Variants in RMC1 observed in about 807,000 individuals in gnomAD.
RMC1 encodes regulator of MON1-CCZ1 complex.
A neutral mutation model predicts 95.5 loss-of-function variants in RMC1; 44 were observed. The ratio of observed to expected loss-of-function variants is 0.46; its 90% CI spans 0.36 to 0.59. The LOEUF (loss-of-function observed/expected upper bound fraction) is 0.59. Among genes scored for constraint, RMC1 ranks in the 20% least tolerant of loss-of-function variants. RMC1 has a pLI of 0.00. For synonymous variants in RMC1, 320 were observed against 303.6 expected (o/e 1.05, Z -0.56); for missense variants, 705 against 819.6 (o/e 0.86, Z 1.71).
At chr18:23,525,287 A>T (rs2058264981) in intron 12 of RMC1, among the ~76,000 whole-genome samples, 1 of 150,816 alleles carries the variant, frequency 6.6e-6, no homozygotes, top group African/African-American at 2.4e-5. Context: ...TTGCTCCGTC[A>T]CCCAGCCTGG....
chr18:23,512,505 C>T (rs541127989), intron 5 of RMC1, among the ~76,000 whole-genome samples: 1 of 152,238 alleles, frequency 6.6e-6, no homozygotes, highest in African/African-American at 2.4e-5. Context: ...ACTGCAGCCT[C>T]GACCTCCTAG....
chr18:23,521,687 C>G (rs1161015447), intron 10 of RMC1, among the ~76,000 whole-genome samples: 1 of 75,220 alleles, frequency 1.3e-5, no homozygotes, highest in South Asian at 5.1e-4. Flanking sequence ...TCAACACACA[C>G]TCTCTCTCTT....
At chr18:23,507,463 T>A (rs991700127) in intron 3 of RMC1, among the ~76,000 whole-genome samples, 36 of 152,198 alleles carry the variant, frequency 2.4e-4, no homozygotes, top group African/African-American at 8.7e-4. Flanking sequence ...ATGTGAGGTA[T>A]TTTTGGCTAC....
intron 19 of RMC1, 177 bp from the exon 20 acceptor site, chr18:23,531,448 C>G: frequency 7.7e-7 from 1 of 1,302,574 alleles, no homozygotes; most frequent in South Asian, 1.7e-5. Flanking sequence ...AGAATCTCTT[C>G]CATTTAGCTT....
At position 23,518,925 on chromosome 18, in the gene RMC1, A is replaced by C; in HGVS notation, c.689A>C (p.His230Pro). ...CTGTATGTTCTCTTCTTGAGGCATC[A>C]TTCTCGGACCTCCAACAGCACAGGA... ...GQLYVLFLRH[H>P]SRTSNSTGAE... is the part of the protein sequence containing the mutation. The change falls in exon 8 of 20, where the codon CAT becomes CCT. Residue 230 changes from histidine (H) to proline (P), a missense_variant. Transcript: ENST00000269221. 1 of 1,614,180 alleles carries C rather than the reference A, an allele frequency of 6.2e-7. No homozygotes were observed.
At chr18:23,529,334 A>G in intron 15 of RMC1, 36 bp downstream of exon 15, 2 of 1,589,438 alleles carry the variant, frequency 1.3e-6, no homozygotes, top group Non-Finnish European at 1.7e-6. Flanking sequence ...TGGACTGAGA[A>G]TGCTCAAAAC....
Position 23,510,215 on chromosome 18 carries a change from T to C in RMC1, c.408+936T>C, listed in dbSNP as rs571983614. ...GGTGTGCGCCTGTAGTCCCAGCTAC[T>C]TGGGAGGCTGAAGTGGGAGGATTGC... On this transcript the variant is annotated intron_variant, in intron 5 of 19. Coordinates refer to ENST00000269221, the MANE Select transcript of RMC1 (RefSeq NM_013326.5). Among the ~76,000 whole-genome samples the C allele has an allele frequency of 2.4e-3, 358 of 151,616 alleles. 3 individuals are homozygous for C. Among genetic ancestry groups the C allele is most frequent in the African/African-American group, 8.3e-3 (345 of 41,374 alleles).
intron 5 of RMC1, among the ~76,000 whole-genome samples, chr18:23,515,213 C>G (rs918363018): frequency 2.6e-5 from 4 of 152,066 alleles, no homozygotes; most frequent in African/African-American, 9.7e-5. Flanking sequence ...CTCCACATGC[C>G]CAGGCATGTG....
Position 23,524,361 on chromosome 18 carries a change from G to A in RMC1, c.1007-68G>A, listed in dbSNP as rs560591661. 2.6e-6 allele frequency: 4 copies of A among 1,567,204 alleles called. No individual in the cohort carries two copies. The East Asian group carries it at 6.7e-5, about 26-fold the overall frequency. ...CAGTACATGGTGGGCAGGGGCGAGTGCTAGCGGAAACTGGGTTTGCTTTTT... is the reference window on the plus strand; with the variant it reads ...CAGTACATGGTGGGCAGGGGCGAGTACTAGCGGAAACTGGGTTTGCTTTTT... On this transcript the variant is annotated intron_variant, in intron 11 of 19. Transcript: ENST00000269221.
At chr18:23,521,642 G>A (rs2058143041) in intron 10 of RMC1, among the ~76,000 whole-genome samples, 1 of 151,794 alleles carries the variant, frequency 6.6e-6, no homozygotes, top group African/African-American at 2.4e-5. Context: ...CCTTTTTCCA[G>A]TGTAATTGAT....
Position 23,524,502 on chromosome 18 carries a change from TGTC to T in RMC1, c.1060+23_1060+25del, listed in dbSNP as rs766981646. The T allele has an allele frequency of 1.2e-6, 2 of 1,612,922 alleles. No homozygotes were observed. The highest frequency in any genetic ancestry group is 1.1e-5 in the South Asian group (1 of 91,042). ...GCCAAGGTAGGTCAGCGGGGACAGT[TGTC>T]GTGTTACAACATGGTGCTTGTTGAC... On this transcript the variant is annotated intron_variant, in intron 12 of 19. Coordinates refer to ENST00000269221, the MANE Select transcript of RMC1 (RefSeq NM_013326.5).
intron 3 of RMC1, 77 bp from the exon 4 acceptor site, chr18:23,507,908 C>A: frequency 1.5e-6 from 2 of 1,321,746 alleles, no homozygotes; most frequent in Non-Finnish European, 2.1e-6. Flanking sequence ...TTTTTCTTGT[C>A]TTGTAGTATG....
At chr18:23,512,158 C>G (rs1273938243) in intron 5 of RMC1, among the ~76,000 whole-genome samples, 4 of 151,366 alleles carry the variant, frequency 2.6e-5, no homozygotes, top group Non-Finnish European at 5.9e-5. Context: ...GTAGCTGGGT[C>G]TACAGGCGCC....
intron 13 of RMC1, among the ~76,000 whole-genome samples, chr18:23,527,534 C>T (rs2058339422): frequency 6.6e-6 from 1 of 151,330 alleles, no homozygotes; most frequent in African/African-American, 2.4e-5. Flanking sequence ...TCTGCCTCGG[C>T]CTACCCAAAG....
At chr18:23,509,134 A>T in intron 4 of RMC1, 59 bp from the exon 5 acceptor site, 1 of 571,626 alleles carries the variant, frequency 1.7e-6, no homozygotes, top group Non-Finnish European at 2.7e-6. Context: ...AAGCTTTTGA[A>T]GAGAGTTATA....
intron 7 of RMC1, among the ~76,000 whole-genome samples, chr18:23,517,616 C>T (rs960551176): frequency 4.8e-4 from 73 of 152,252 alleles, no homozygotes; most frequent in African/African-American, 1.6e-3. Flanking sequence ...TCTTCTGTGG[C>T]CTAAAACAGT....
chr18:23,531,616 C>CT lies in RMC1; in HGVS notation c.1895-9_1895-8insT, dbSNP rs1310122275. 6.8e-6 allele frequency: 11 copies of CT among 1,609,720 alleles called. No homozygotes were observed. In the Admixed American group the frequency reaches 1.9e-4, roughly 27 times the overall value. On this transcript the variant is annotated splice_polypyrimidine_tract_variant and intron_variant, in intron 19 of 19. Transcript: ENST00000269221. Reference sequence around the variant, plus strand: ...CATCTAACTGGCAATTAAATCTCTTCCTTTCTAGGGGAACACTGTGAAGAA... The same window carrying CT: ...CATCTAACTGGCAATTAAATCTCTTCTCTTTCTAGGGGAACACTGTGAAGAA...
At chr18:23,517,385 T>C (rs1204201789) in intron 7 of RMC1, among the ~76,000 whole-genome samples, 1 of 152,146 alleles carries the variant, frequency 6.6e-6, no homozygotes, top group Non-Finnish European at 1.5e-5. Flanking sequence ...CTTGACCTCT[T>C]GATCTGCCCT....
Position 23,527,921 on chromosome 18 carries a change from A to G in RMC1, c.1296+20A>G. On this transcript the variant is annotated intron_variant, in intron 14 of 19. Transcript: ENST00000269221. ...GCGATGGTGAGTTACATGGAGTATG[A>G]CAAAGGGTCCTCCTCCCCCACCCCC... The G allele has an allele frequency of 3.2e-6, 5 of 1,577,160 alleles. No homozygotes were observed. Among genetic ancestry groups the G allele is most frequent in the Non-Finnish European group, 4.3e-6 (5 of 1,152,438 alleles).
Sources: gnomAD v4.1 joint callset for allele counts (sites outside exome capture counted in the v4.1 genomes callset) on GRCh38, gnomAD v4.1.1 for gene constraint, MANE v1.5 for transcripts, NCBI Gene and HGNC (gene_info 2026-07-23, HGNC 2026-07-21) for gene names.